PTPN3: variants seen among roughly 807,000 people sequenced by gnomAD.
PTPN3 encodes protein tyrosine phosphatase non-receptor type 3.
Under a neutral mutation model 132.7 loss-of-function variants are expected in PTPN3, and 96 were observed. That is an observed-to-expected ratio of 0.72 (90% CI 0.61 to 0.86). The LOEUF (loss-of-function observed/expected upper bound fraction) is 0.86, where lower values mean the gene tolerates loss of function less well. PTPN3 is among the 40% of genes least tolerant of loss of function. The pLI, the probability that PTPN3 is intolerant of heterozygous loss-of-function variation, is 0.00. For missense variants in PTPN3, 1,125 were observed against 1,159.6 expected (o/e 0.97, Z 0.43); for synonymous variants, 398 against 429.0 (o/e 0.93, Z 0.89).
intron 7 of PTPN3, among the ~76,000 whole-genome samples, chr9:109,443,790 C>T (rs1207937356): frequency 6.6e-6 from 1 of 152,182 alleles, no homozygotes; most frequent in Non-Finnish European, 1.5e-5. Context: ...CAGGCCCATT[C>T]GCCTGTTTTG....
chr9:109,438,115 T>C lies in PTPN3; in HGVS notation c.586A>G (p.Ser196Gly). Residue 196 changes from serine to glycine, a missense_variant and splice_region_variant, in exon 8 of 26, where the codon AGT becomes GGT. Transcript: ENST00000374541. Reference sequence around the variant, plus strand: ...GTAGGCCACCCCAGCCCCCCTCACCTGTGCTGCTCATGCAGAGATTCGACT... The same window carrying C: ...GTAGGCCACCCCAGCCCCCCTCACCCGTGCTGCTCATGCAGAGATTCGACT... The part of the protein sequence containing the change: ...TKVESLHEQH[S>G]GLKQSEAESC... The C allele has an allele frequency of 6.2e-7, 1 of 1,613,238 alleles. No individual in the cohort carries two copies. Among genetic ancestry groups the C allele is most frequent in the Non-Finnish European group, 8.5e-7 (1 of 1,179,670 alleles).
intron 19 of PTPN3, among the ~76,000 whole-genome samples, chr9:109,393,932 A>G (rs1174290933): frequency 6.6e-6 from 1 of 152,248 alleles, no homozygotes; most frequent in African/African-American, 2.4e-5. Flanking sequence ...GCTGTATCTT[A>G]TACATTTGCC....
At position 109,478,832 on chromosome 9, in the gene PTPN3, A is replaced by G. The variant is rs1846815429; in HGVS notation, c.-17-15381T>C. Among the ~76,000 whole-genome samples, 3 of 152,198 alleles carry G rather than the reference A, an allele frequency of 2.0e-5. No homozygotes were observed. The South Asian group carries it at 6.2e-4, about 32-fold the overall frequency. On this transcript the variant is annotated intron_variant, in intron 1 of 25. Transcript: ENST00000374541. ...ACCATCTTACTGGACTCTCACATCAAAAGAGGGGACCAGGCTTCGCCCATG... is the reference window on the plus strand; with the variant it reads ...ACCATCTTACTGGACTCTCACATCAGAAGAGGGGACCAGGCTTCGCCCATG...
At chr9:109,486,949 T>C (rs570907861) in intron 1 of PTPN3, among the ~76,000 whole-genome samples, 10 of 152,292 alleles carry the variant, frequency 6.6e-5, no homozygotes, top group Admixed American at 5.9e-4. Flanking sequence ...TCCGCCATGA[T>C]TGTAAGTTTC....
At chr9:109,502,361 A>G (rs1206391610), upstream of PTPN3, among the ~76,000 whole-genome samples, 1 of 152,230 alleles carries the variant, frequency 6.6e-6, no homozygotes, top group Non-Finnish European at 1.5e-5. Flanking sequence ...ATGCTCATCA[A>G]TTATTTGTGC....
At chr9:109,465,308 G>C (rs766115807) in intron 1 of PTPN3, among the ~76,000 whole-genome samples, 1 of 152,202 alleles carries the variant, frequency 6.6e-6, no homozygotes. Flanking sequence ...CGGGCACGGT[G>C]GTTCACGCCT....
intron 7 of PTPN3, among the ~76,000 whole-genome samples, 167 bp downstream of exon 7, chr9:109,445,073 G>A (rs889187082): frequency 6.6e-6 from 1 of 152,202 alleles, no homozygotes; most frequent in African/African-American, 2.4e-5. Flanking sequence ...CATGCTACAG[G>A]AGAGTGCCAG....
intron 2 of PTPN3, among the ~76,000 whole-genome samples, chr9:109,462,438 G>A (rs796494732): frequency 2.6e-5 from 4 of 152,310 alleles, no homozygotes; most frequent in African/African-American, 9.6e-5. Flanking sequence ...GCCTTTTATT[G>A]TTCCCTCAAT....
intron 22 of PTPN3, among the ~76,000 whole-genome samples, chr9:109,386,933 A>G (rs1177239216): frequency 6.6e-6 from 1 of 152,146 alleles, no homozygotes; most frequent in Non-Finnish European, 1.5e-5. Flanking sequence ...GAGAAATGCA[A>G]AAGCTCTGAG....
intron 9 of PTPN3, 71 bp downstream of exon 9, chr9:109,436,812 G>C: frequency 6.6e-7 from 1 of 1,526,074 alleles, no homozygotes; most frequent in Non-Finnish European, 8.8e-7. Context: ...TTTCATCAAA[G>C]AATTTTTCAA....
At chr9:109,491,827 G>A (rs769836634) in intron 1 of PTPN3, among the ~76,000 whole-genome samples, 3 of 152,198 alleles carry the variant, frequency 2.0e-5, no homozygotes, top group Admixed American at 6.5e-5. Context: ...GAAGGAGCAC[G>A]GTGAGGTGAG....
rs149314395 is a variant in PTPN3 at position 109,390,051 on chromosome 9, C to A, written c.2107-672G>T. On this transcript the variant is annotated intron_variant, in intron 21 of 25. Transcript: ENST00000374541. ...CTCAGGTGAGCAAGGTAAAGGAAGG[C>A]TTCTAATTCATGGTTCGGCTGGTGC... is the stretch of plus-strand genomic sequence containing the variant. Among the ~76,000 whole-genome samples, 214 of 152,308 alleles carry A rather than the reference C, an allele frequency of 1.4e-3. 3 individuals carry two copies. The highest frequency in any genetic ancestry group is 3.4e-3 in the Middle Eastern group (1 of 294).
At chr9:109,417,071 C>T (rs1842563466) in intron 14 of PTPN3, among the ~76,000 whole-genome samples, 1 of 152,328 alleles carries the variant, frequency 6.6e-6, no homozygotes, top group East Asian at 1.9e-4. Context: ...ACTTACTTCT[C>T]TGCAGAATTT....
Position 109,383,546 on chromosome 9 carries a change from T to C in PTPN3, c.2259A>G (p.Lys753=), listed in dbSNP as rs1839306600. Residue 753 remains lysine (K), a synonymous_variant, in exon 23 of 26, where the codon AAA becomes AAG. Transcript: ENST00000374541. ...LTTLTERGRT[K]CHQYWPDPPD... ...GGGGATCTGGCCAGTACTGGTGACA[T>C]TTGGTCTGTAAGAAACCACCGAGAG... 3.7e-6 allele frequency: 6 copies of C among 1,613,588 alleles called. No individual in the cohort carries two copies. Among genetic ancestry groups the C allele is most frequent in the Non-Finnish European group, 5.1e-6 (6 of 1,179,904 alleles).
chr9:109,397,452 G>A (rs561842795), intron 19 of PTPN3, among the ~76,000 whole-genome samples: 45 of 152,212 alleles, frequency 3.0e-4, no homozygotes, highest in Non-Finnish European at 4.9e-4. Flanking sequence ...CTAAGCTGAG[G>A]GTAACCCATT....
At chr9:109,490,934 C>T (rs1472831867) in intron 1 of PTPN3, among the ~76,000 whole-genome samples, 1 of 150,800 alleles carries the variant, frequency 6.6e-6, no homozygotes, top group Non-Finnish European at 1.5e-5. Context: ...CGCAGTGGCT[C>T]GGGCCTGTAT....
At chr9:109,448,971 A>G (rs1845053329) in intron 5 of PTPN3, 116 bp from the exon 6 acceptor site, 2 of 1,490,900 alleles carry the variant, frequency 1.3e-6, no homozygotes, top group Non-Finnish European at 1.8e-6. Context: ...ATACATAAAA[A>G]TACGGTTTTG....
At chr9:109,513,847 A>T in the PTPN3 span, among the ~76,000 whole-genome samples, 4 of 152,200 alleles carry the variant, frequency 2.6e-5, no homozygotes, top group African/African-American at 9.6e-5. Context: ...GAGTTTGAAT[A>T]TTATATGTAA....
chr9:109,478,568 G>T (rs1292025720), intron 1 of PTPN3, among the ~76,000 whole-genome samples: 3 of 152,176 alleles, frequency 2.0e-5, no homozygotes, highest in Admixed American at 2.0e-4. Flanking sequence ...CTGAGTTAGG[G>T]CAAAAACACC....
Sources: allele counts gnomAD v4.1 joint callset (sites outside exome capture counted in the v4.1 genomes callset), GRCh38; gene constraint gnomAD v4.1.1; transcripts MANE v1.5; gene names NCBI Gene and HGNC (gene_info 2026-07-23, HGNC 2026-07-21).